Variants in TOX observed in about 807,000 individuals in gnomAD.
TOX encodes the protein thymocyte selection-associated high mobility group box protein TOX.
TOX carries 11 observed loss-of-function variants against 53.7 expected under a neutral mutation model. The ratio of observed to expected loss-of-function variants is 0.20; its 90% CI spans 0.13 to 0.34. The LOEUF is 0.34. Ranked by LOEUF, TOX falls within the 10% of genes least tolerant of loss-of-function variation. The probability of loss-of-function intolerance (pLI) is 1.00; values close to 1 mark genes in which losing one functional copy is unlikely to be tolerated. For synonymous variants in TOX, 225 were observed against 245.3 expected, an observed-to-expected ratio of 0.92 and a Z score of 0.77; for missense variants, 570 against 664.6, an observed-to-expected ratio of 0.86 and a Z score of 1.56.
chr8:59,095,179 G>C (rs1394918750), intron 1 of TOX, among the ~76,000 whole-genome samples: 1 of 151,850 alleles, frequency 6.6e-6, no homozygotes, highest in Non-Finnish European at 1.5e-5. Flanking sequence ...GAGGTCACTT[G>C]TTTTAGGATC....
chr8:58,987,372 T>A (rs1432791159), intron 1 of TOX, among the ~76,000 whole-genome samples: 6 of 152,154 alleles, frequency 3.9e-5, no homozygotes, highest in Non-Finnish European at 8.8e-5. Flanking sequence ...CTCAGAGAAA[T>A]GGCGTGCTAG....
chr8:59,001,566 G>A (rs1007390623), intron 1 of TOX, among the ~76,000 whole-genome samples: 2 of 152,284 alleles, frequency 1.3e-5, no homozygotes, highest in South Asian at 4.1e-4. Context: ...AGCACACAGG[G>A]ATGCTCACAA....
At position 58,966,235 on chromosome 8, in the gene TOX, A is replaced by C. The variant is rs563279277; in HGVS notation, c.103-6227T>G. Among the ~76,000 whole-genome samples, 3 of 152,284 alleles carry C rather than the reference A, an allele frequency of 2.0e-5. No homozygotes were observed. The East Asian group carries it at 5.8e-4, about 29-fold the overall frequency. ...GTCAGTCTGCCTCCATGCTGAGCCC[A>C]GCTGAATGAAACTGGTTCTGAGCAC... On this transcript the variant is annotated intron_variant, in intron 1 of 8. Coordinates refer to ENST00000361421, the MANE Select transcript of TOX (RefSeq NM_014729.3).
At chr8:59,063,625 T>C (rs1001063040) in intron 1 of TOX, among the ~76,000 whole-genome samples, 1 of 151,946 alleles carries the variant, frequency 6.6e-6, no homozygotes, top group African/African-American at 2.4e-5. Context: ...GGTTTCACCA[T>C]GTTAGCCAGG....
intron 1 of TOX, among the ~76,000 whole-genome samples, chr8:59,076,682 T>C (rs1242487068): frequency 6.6e-6 from 1 of 152,218 alleles, no homozygotes; most frequent in Admixed American, 6.5e-5. Flanking sequence ...GCAGTAGTTG[T>C]TGTTATAAAT....
chr8:59,080,402 G>T (rs1804385192), intron 1 of TOX, among the ~76,000 whole-genome samples: 1 of 152,036 alleles, frequency 6.6e-6, no homozygotes, highest in Non-Finnish European at 1.5e-5. Context: ...ATAGGTAAAG[G>T]TACTCCCCTT....
intron 2 of TOX, among the ~76,000 whole-genome samples, chr8:58,948,939 T>G (rs1812572233): frequency 6.6e-6 from 1 of 152,208 alleles, no homozygotes; most frequent in South Asian, 2.1e-4. Context: ...TGCTAGTTGG[T>G]TTTGAGCTTT....
intron 6 of TOX, among the ~76,000 whole-genome samples, chr8:58,816,247 C>T (rs1810176137): frequency 1.3e-5 from 2 of 152,134 alleles, no homozygotes; most frequent in East Asian, 3.8e-4. Context: ...TTCTAAAATA[C>T]CTTTCTGAAG....
At chr8:58,910,725 T>C (rs1276226995) in intron 3 of TOX, among the ~76,000 whole-genome samples, 1 of 152,158 alleles carries the variant, frequency 6.6e-6, no homozygotes, top group Non-Finnish European at 1.5e-5. Flanking sequence ...TCTTGTAAAC[T>C]CTCTCCAAGG....
chr8:59,032,012 G>C (rs1240478124), intron 1 of TOX, among the ~76,000 whole-genome samples: 1 of 152,172 alleles, frequency 6.6e-6, no homozygotes, highest in Non-Finnish European at 1.5e-5. Context: ...TCTATCTTCT[G>C]GGTGAAAAAG....
At chr8:58,927,455 C>T (rs1585905753) in intron 3 of TOX, among the ~76,000 whole-genome samples, 1 of 152,194 alleles carries the variant, frequency 6.6e-6, no homozygotes, top group South Asian at 2.1e-4. Context: ...GCCTAGTTCA[C>T]CACCTGCCAG....
intron 3 of TOX, among the ~76,000 whole-genome samples, chr8:58,880,139 G>T (rs779108897): frequency 6.6e-6 from 1 of 152,200 alleles, no homozygotes; most frequent in Non-Finnish European, 1.5e-5. Flanking sequence ...AGGGACAACT[G>T]TAAGGGAGAT....
intron 3 of TOX, among the ~76,000 whole-genome samples, chr8:58,934,743 T>C (rs1022763795): frequency 1.3e-5 from 2 of 152,342 alleles, no homozygotes; most frequent in African/African-American, 4.8e-5. Context: ...CCCATGCATT[T>C]TAACTTCTCC....
chr8:58,855,593 A>C (rs186412011), intron 3 of TOX, among the ~76,000 whole-genome samples: 4 of 152,248 alleles, frequency 2.6e-5, no homozygotes, highest in African/African-American at 9.6e-5. Context: ...TTATCTTTTC[A>C]CTTGCAATAG....
intron 1 of TOX, among the ~76,000 whole-genome samples, chr8:59,089,786 T>A (rs1046019295): frequency 6.6e-6 from 1 of 152,216 alleles, no homozygotes; most frequent in Non-Finnish European, 1.5e-5. Context: ...ATCCTTATTA[T>A]GTTGTCCAGG....
At chr8:58,938,482 G>A (rs1357911612) in intron 3 of TOX, among the ~76,000 whole-genome samples, 1 of 152,156 alleles carries the variant, frequency 6.6e-6, no homozygotes, top group Non-Finnish European at 1.5e-5. Context: ...ATGGTCTAAA[G>A]CTCTCTCCTT....
intron 1 of TOX, among the ~76,000 whole-genome samples, chr8:59,068,845 G>A (rs560273898): frequency 1.3e-5 from 2 of 152,200 alleles, no homozygotes; most frequent in South Asian, 2.1e-4. Context: ...GGGTGGCCAC[G>A]GGCCCAGAGG....
At chr8:58,808,382 G>A in intron 7 of TOX, 113 bp from the exon 8 acceptor site, 2 of 1,345,282 alleles carry the variant, frequency 1.5e-6, no homozygotes, top group East Asian at 2.6e-5. Context: ...TTCTGTCTCT[G>A]CAAGGGCAAG....
At chr8:59,055,013 CAAA>C (rs1024550956) in intron 1 of TOX, among the ~76,000 whole-genome samples, 1 of 151,004 alleles carries the variant, frequency 6.6e-6, no homozygotes, top group Non-Finnish European at 1.5e-5. Flanking sequence ...AAAAAAGAGT[CAAA>C]GAAAGAAAGA....
Sources: allele counts gnomAD v4.1 joint callset (sites outside exome capture counted in the v4.1 genomes callset), GRCh38; gene constraint gnomAD v4.1.1; transcripts MANE v1.5; gene names NCBI Gene and HGNC (gene_info 2026-07-23, HGNC 2026-07-21).